Variants in PTPA observed in about 807,000 individuals in gnomAD.
PTPA encodes the protein protein phosphatase 2 phosphatase activator.
Under a neutral mutation model 43.6 loss-of-function variants are expected in PTPA, and 13 were observed. The ratio of observed to expected loss-of-function variants is 0.30; its 90% CI spans 0.19 to 0.47. The LOEUF (loss-of-function observed/expected upper bound fraction) is 0.47, where lower values mean the gene tolerates loss of function less well. Among genes scored for constraint, PTPA ranks in the 20% least tolerant of loss-of-function variants. The probability of loss-of-function intolerance (pLI) is 0.99; values close to 1 mark genes in which losing one functional copy is unlikely to be tolerated. For missense variants in PTPA, 329 were observed against 411.9 expected, an observed-to-expected ratio of 0.80 and a Z score of 1.74; for synonymous variants, 172 against 158.2, an observed-to-expected ratio of 1.09 and a Z score of -0.66.
intron 5 of PTPA, 69 bp downstream of exon 5, chr9:129,131,708 C>T: frequency 2.1e-6 from 3 of 1,425,322 alleles, no homozygotes; most frequent in Non-Finnish European, 3.0e-6. Flanking sequence ...TTCAGGTGGT[C>T]TCTGGGCCCT....
At chr9:129,146,125 T>A (rs987818794) in intron 9 of PTPA, among the ~76,000 whole-genome samples, 3 of 151,844 alleles carry the variant, frequency 2.0e-5, no homozygotes, top group Admixed American at 1.3e-4. Flanking sequence ...GGGGCTCTTA[T>A]GACCACTTCT....
intron 1 of PTPA, among the ~76,000 whole-genome samples, chr9:129,118,471 T>G (rs2131548026): frequency 6.6e-6 from 1 of 152,272 alleles, no homozygotes; most frequent in East Asian, 1.9e-4. Flanking sequence ...GCCTCCTGGT[T>G]CAAGCAATTC....
chr9:129,146,675 C>T (rs1212706063), intron 9 of PTPA, among the ~76,000 whole-genome samples: 1 of 152,202 alleles, frequency 6.6e-6, no homozygotes, highest in Admixed American at 6.5e-5. Context: ...GCGGGAGCTG[C>T]AGCTGGAAGC....
At chr9:129,137,971 T>G (rs1850491919) in intron 8 of PTPA, 1 of 442,746 alleles carries the variant, frequency 2.3e-6, no homozygotes. Flanking sequence ...CCTTGGTGAC[T>G]GCTGCAGCAG....
chr9:129,120,419 C>T (rs1284483240), intron 1 of PTPA, 94 bp from the exon 2 acceptor site: 25 of 915,914 alleles, frequency 2.7e-5, no homozygotes, highest in Middle Eastern at 3.3e-4. Context: ...AGCAAAACTC[C>T]GTCTCAAGAA....
chr9:129,111,232 T>C, upstream of PTPA: 1 of 1,141,258 alleles, frequency 8.8e-7, no homozygotes, highest in South Asian at 1.7e-5. Flanking sequence ...AACCCAAACT[T>C]GACGCCCCGC....
intron 1 of PTPA, among the ~76,000 whole-genome samples, chr9:129,113,610 A>G (rs1295484980): frequency 6.6e-6 from 1 of 151,834 alleles, no homozygotes. Context: ...TCTGTATTCA[A>G]AATACAAAAA....
At chr9:129,132,504 T>C (rs1282004672) in intron 5 of PTPA, among the ~76,000 whole-genome samples, 1 of 151,906 alleles carries the variant, frequency 6.6e-6, no homozygotes, top group Non-Finnish European at 1.5e-5. Context: ...AGCCTGGCAA[T>C]TTATTTATTT....
rs538105111 is a variant in PTPA, at chr9:129,126,628, A to T, written c.217-2357A>T. Among the ~76,000 whole-genome samples, 7 of 152,346 alleles carry T rather than the reference A, an allele frequency of 4.6e-5. No individual in the cohort carries two copies. In the South Asian group the frequency reaches 1.4e-3, roughly 32 times the overall value. On this transcript the variant is annotated intron_variant, in intron 3 of 9. Transcript: ENST00000393370. ...ACTTACAAGGGGGCAAAATTCAAAA[A>T]TGGTCAGTAAAATGTTAGGGAAGAT... is the stretch of plus-strand genomic sequence containing the variant.
chr9:129,140,126 A>C (rs549779822), intron 8 of PTPA: 1 of 143,204 alleles, frequency 7.0e-6, no homozygotes, highest in African/African-American at 2.6e-5. Flanking sequence ...TTCTCTGGGG[A>C]GTGGAGAGGC....
At chr9:129,117,774 G>A (rs1848976429) in intron 1 of PTPA, among the ~76,000 whole-genome samples, 1 of 150,348 alleles carries the variant, frequency 6.7e-6, no homozygotes, top group Non-Finnish European at 1.5e-5. Context: ...CCAGCTCACT[G>A]CAAGCTCTGC....
chr9:129,146,197 C>G (rs555662973), intron 9 of PTPA, among the ~76,000 whole-genome samples: 21 of 152,260 alleles, frequency 1.4e-4, no homozygotes, highest in African/African-American at 3.4e-4. Flanking sequence ...GGCTGCTCCC[C>G]CTCCCGCCCA....
At chr9:129,119,539 G>A (rs956299153) in intron 1 of PTPA, 2 of 152,112 alleles carry the variant, frequency 1.3e-5, no homozygotes, top group East Asian at 1.9e-4. Flanking sequence ...CCAAGTAGCT[G>A]GGACCGCAGG....
rs1253431147 is a variant in PTPA at position 129,120,519 on chromosome 9, C to T, written c.38C>T (p.Ser13Leu). 5.0e-6 allele frequency: 8 copies of T among 1,608,942 alleles called. No homozygotes were observed. The highest frequency in any genetic ancestry group is 6.8e-6 in the Non-Finnish European group (8 of 1,177,376). ...TTCATTTTTTTTTGTCAAGATTCTT[C>T]AGAGGAGGCCCCTCCAGCCACTCAG... Reference protein sequence around the residue: ...EGERQPPPDSSEEAPPATQNF... With the variant: ...EGERQPPPDSLEEAPPATQNF... The change falls in exon 2 of 10, where the codon TCA (serine) becomes TTA (leucine). Residue 13 changes from serine to leucine, a missense_variant. By Grantham distance (145) the Ser-to-Leu change is moderately radical. Coordinates refer to ENST00000393370, the MANE Select transcript of PTPA (RefSeq NM_178000.3).
chr9:129,147,353 C>G (rs548291930), intron 9 of PTPA, 34 bp from the exon 10 acceptor site: 2 of 1,608,310 alleles, frequency 1.2e-6, no homozygotes, highest in Non-Finnish European at 1.7e-6. Context: ...TGGTGTGGCC[C>G]TCACCACTCT....
chr9:129,119,968 TGA>T (rs1030866386), intron 1 of PTPA, among the ~76,000 whole-genome samples: 2 of 151,898 alleles, frequency 1.3e-5, no homozygotes, highest in Non-Finnish European at 2.9e-5. Context: ...GGTTTAAAAG[TGA>T]GAGAGAGGCC....
chr9:129,111,843 T>C (rs1588474079), intron 1 of PTPA: 4 of 1,191,268 alleles, frequency 3.4e-6, no homozygotes, highest in Middle Eastern at 3.2e-4. Context: ...AAAGGGGTGG[T>C]GATTGGGGCG....
chr9:129,116,806 C>T (rs538740925), intron 1 of PTPA, among the ~76,000 whole-genome samples: 31 of 152,264 alleles, frequency 2.0e-4, no homozygotes, highest in Admixed American at 5.9e-4. Context: ...GCTGGGATTA[C>T]GGACATGAGC....
At chr9:129,145,235 G>A (rs965732257) in intron 9 of PTPA, among the ~76,000 whole-genome samples, 48 of 150,712 alleles carry the variant, frequency 3.2e-4, no homozygotes, top group Admixed American at 3.1e-3. Flanking sequence ...GGAGGCTGAG[G>A]CAGGACAGTC....
Sources: gnomAD v4.1 joint callset for allele counts (sites outside exome capture counted in the v4.1 genomes callset) on GRCh38, gnomAD v4.1.1 for gene constraint, MANE v1.5 for transcripts, NCBI Gene and HGNC (gene_info 2026-07-23, HGNC 2026-07-21) for gene names.